The following MERTK variants were observed in gnomAD, a reference collection of about 807,000 sequenced individuals.
The protein encoded by MERTK is MER proto-oncogene, tyrosine kinase, also known as tyrosine-protein kinase Mer.
MERTK carries 69 observed loss-of-function variants against 99.3 expected under a neutral mutation model. The observed-to-expected ratio is 0.70, with a 90% CI of 0.57 to 0.85. The LOEUF (loss-of-function observed/expected upper bound fraction) is 0.85, where lower values mean the gene tolerates loss of function less well. MERTK is among the 40% of genes least tolerant of loss of function. The probability of loss-of-function intolerance (pLI) is 0.00; values close to 1 mark genes in which losing one functional copy is unlikely to be tolerated. For synonymous variants in MERTK, 426 were observed against 467.6 expected (o/e 0.91, Z 1.15); for missense variants, 1,125 against 1,249.4 (o/e 0.90, Z 1.50).
intron 4 of MERTK, among the ~76,000 whole-genome samples, chr2:111,960,783 G>A (rs1034653428): frequency 7.2e-5 from 11 of 151,790 alleles, no homozygotes; most frequent in East Asian, 1.9e-4. Flanking sequence ...GGGAAGAGTC[G>A]TTACAGTGGG....
At chr2:111,951,648 T>C (rs1685060851) in intron 4 of MERTK, among the ~76,000 whole-genome samples, 1 of 150,730 alleles carries the variant, frequency 6.6e-6, no homozygotes, top group South Asian at 2.1e-4. Context: ...GGACCACAGA[T>C]ACCTCTTTGA....
At chr2:111,973,245 C>CG (rs914826593) in intron 6 of MERTK, among the ~76,000 whole-genome samples, 1 of 152,102 alleles carries the variant, frequency 6.6e-6, no homozygotes, top group African/African-American at 2.4e-5. Context: ...GGAAGTGGGG[C>CG]GGGGAGGAGA....
intron 13 of MERTK, among the ~76,000 whole-genome samples, chr2:112,005,972 C>T (rs940821086): frequency 6.6e-5 from 10 of 152,132 alleles, no homozygotes; most frequent in Non-Finnish European, 1.3e-4. Flanking sequence ...ACCTCTGCCT[C>T]TGGGTTCGAG....
At chr2:112,022,016 G>A (rs1372123075) in intron 17 of MERTK, among the ~76,000 whole-genome samples, 1 of 152,184 alleles carries the variant, frequency 6.6e-6, no homozygotes, top group African/African-American at 2.4e-5. Context: ...GCACTAAGCA[G>A]ATGTGTGACG....
chr2:111,969,971 G>A (rs375551687), intron 6 of MERTK, among the ~76,000 whole-genome samples: 6 of 151,936 alleles, frequency 3.9e-5, no homozygotes, highest in East Asian at 3.9e-4. Context: ...GATTACAGGC[G>A]TGAGCCACCG....
intron 2 of MERTK, among the ~76,000 whole-genome samples, chr2:111,944,534 G>GTTTTAAGGGATTATTC (rs1573589856): frequency 4.2e-5 from 1 of 23,604 alleles, no homozygotes. Flanking sequence ...TAAGGAATTA[G>GTTTTAAGGGATTATTC]CTCACACACA....
Position 111,915,884 on chromosome 2 carries a change from A to G in MERTK, c.62-13236A>G, listed in dbSNP as rs372710206. 2.4e-4 allele frequency among the ~76,000 whole-genome samples: 37 copies of G among 152,270 alleles called. No individual in the cohort carries two copies. In the Middle Eastern group the frequency reaches 0.024, roughly 98 times the overall value. ...CACTCTAGCCTGGGCAACAAGAGCA[A>G]AAACTCCATCTCCAAAATAAATAAA... is the stretch of plus-strand genomic sequence containing the variant. On this transcript the variant is annotated intron_variant, in intron 1 of 18. Transcript: ENST00000295408.
At chr2:111,940,009 G>C (rs1377007688) in intron 2 of MERTK, among the ~76,000 whole-genome samples, 1 of 151,938 alleles carries the variant, frequency 6.6e-6, no homozygotes, top group Non-Finnish European at 1.5e-5. Context: ...CTCTGGGTCT[G>C]GGGTCCAGCT....
intron 1 of MERTK, among the ~76,000 whole-genome samples, chr2:111,902,808 C>T (rs76723371): frequency 1.6e-3 from 227 of 144,020 alleles, no homozygotes; most frequent in African/African-American, 5.2e-3. Flanking sequence ...CTCCCTCCCT[C>T]TATTTCTTTA....
At chr2:111,905,413 A>G (rs950914601) in intron 1 of MERTK, among the ~76,000 whole-genome samples, 2 of 138,232 alleles carry the variant, frequency 1.4e-5, no homozygotes, top group Non-Finnish European at 3.1e-5. Context: ...CAAACATTTC[A>G]TTGAGAAACC....
intron 15 of MERTK, among the ~76,000 whole-genome samples, chr2:112,013,815 T>G (rs1470965552): frequency 6.6e-6 from 1 of 151,696 alleles, no homozygotes; most frequent in Non-Finnish European, 1.5e-5. Flanking sequence ...GATGGGTGAT[T>G]TTACTCACAT....
Position 111,899,157 on chromosome 2 carries a change from T to C in MERTK, c.61+361T>C, listed in dbSNP as rs147396671. Among the ~76,000 whole-genome samples, 19 of 152,306 alleles carry C rather than the reference T, an allele frequency of 1.2e-4. No individual in the cohort carries two copies. The East Asian group carries it at 3.7e-3, about 29-fold the overall frequency. On this transcript the variant is annotated intron_variant, in intron 1 of 18. Transcript: ENST00000295408. ...TGGAACGTAGGTAGCAGGTCTGGTC[T>C]GGGATGCGACGAGAACTTTCCACTA...
At chr2:111,912,662 A>T (rs888231485) in intron 1 of MERTK, among the ~76,000 whole-genome samples, 1 of 152,116 alleles carries the variant, frequency 6.6e-6, no homozygotes, top group Non-Finnish European at 1.5e-5. Context: ...TCCCAAGAGT[A>T]CTCTAAACAG....
intron 1 of MERTK, 141 bp from the exon 2 acceptor site, chr2:111,928,979 T>C: frequency 1.3e-6 from 1 of 784,060 alleles, no homozygotes; most frequent in Non-Finnish European, 2.2e-6. Context: ...TCCAGATGTG[T>C]GTGTTAATGA....
chr2:111,964,390 TGTGTGTGTGC>T lies in MERTK; in HGVS notation c.758-799_758-790del, dbSNP rs767897808. Among the ~76,000 whole-genome samples, 831 of 122,342 alleles carry T rather than the reference TGTGTGTGTGC, an allele frequency of 6.8e-3. 3 individuals carry two copies. The highest frequency in any genetic ancestry group is 0.011 in the Non-Finnish European group (588 of 55,062). The allele number at this position is 122,342 out of a possible 152,430, so 80.3% of individuals were successfully genotyped here. A position where few individuals can be genotyped will look rare whatever the true frequency, so the allele number is the denominator to read the frequency against. On this transcript the variant is annotated intron_variant, in intron 4 of 18. Transcript: ENST00000295408. ...TCTCGTGTGTGTGTGTGTGTGTGTG[TGTGTGTGTGC>T]GCGCGCGCACGCGCATGTGTGTGTG... is the stretch of plus-strand genomic sequence containing the variant.
intron 9 of MERTK, chr2:111,996,202 GT>G (rs1392621760): frequency 1.1e-5 from 1 of 93,296 alleles, no homozygotes; most frequent in Non-Finnish European, 2.4e-5. Context: ...AATTACCACA[GT>G]TAAATAACAC....
At chr2:111,927,462 A>G (rs542137591) in intron 1 of MERTK, among the ~76,000 whole-genome samples, 9 of 152,326 alleles carry the variant, frequency 5.9e-5, no homozygotes, top group Admixed American at 4.6e-4. Context: ...CTTAAATTTA[A>G]AAAATTCCAG....
intron 10 of MERTK, among the ~76,000 whole-genome samples, chr2:111,998,515 A>G (rs992087384): frequency 1.8e-4 from 27 of 152,218 alleles, no homozygotes; most frequent in African/African-American, 5.8e-4. Context: ...GCAGTAGTCA[A>G]GCAGTCACAA....
intron 18 of MERTK, among the ~76,000 whole-genome samples, chr2:112,024,152 A>G (rs1677416469): frequency 6.6e-6 from 1 of 152,234 alleles, no homozygotes; most frequent in African/African-American, 2.4e-5. Context: ...GGTAGTTTTT[A>G]AAAGTGCCAT....
Sources: allele counts gnomAD v4.1 joint callset (sites outside exome capture counted in the v4.1 genomes callset), GRCh38; gene constraint gnomAD v4.1.1; transcripts MANE v1.5; gene names NCBI Gene and HGNC (gene_info 2026-07-23, HGNC 2026-07-21).